Variants in MBNL3 observed in about 807,000 individuals in gnomAD.
MBNL3 encodes the protein muscleblind-like protein 3.
In MBNL3, 6 loss-of-function variants were observed where a neutral mutation model predicts 24.5. That is an observed-to-expected ratio of 0.25 (90% CI 0.13 to 0.48). The LOEUF (loss-of-function observed/expected upper bound fraction) is 0.48. Ranked by LOEUF, MBNL3 falls within the 20% of genes least tolerant of loss-of-function variation. MBNL3 has a pLI of 0.99. For synonymous variants in MBNL3, 100 were observed against 101.7 expected, an observed-to-expected ratio of 0.98 and a Z score of 0.10; for missense variants, 230 against 293.5, an observed-to-expected ratio of 0.78 and a Z score of 1.58.
At chrX:132,447,845 G>A (rs1274278415) in intron 1 of MBNL3, among the ~76,000 whole-genome samples, 2 of 112,151 alleles carry the variant, frequency 1.8e-5, no homozygotes, top group African/African-American at 6.5e-5. Context: ...CAAAAGGAAT[G>A]CTTCCAGTTT....
chrX:132,427,365 T>G (rs894716442), intron 2 of MBNL3, among the ~76,000 whole-genome samples: 1 of 111,525 alleles, frequency 9.0e-6, no homozygotes, highest in Non-Finnish European at 1.9e-5. Context: ...TAGAACACTT[T>G]TTTTGGTTAG....
At chrX:132,449,464 CTTTTTTTTTTTTTTT>C (rs751006249) in intron 1 of MBNL3, among the ~76,000 whole-genome samples, 3 of 29,781 alleles carry the variant, frequency 1.0e-4, no homozygotes, top group Admixed American at 4.5e-4. Flanking sequence ...GCAACCCCTG[CTTTTTTTTTTTTTTT>C]TTTTTTTTGC....
intron 1 of MBNL3, among the ~76,000 whole-genome samples, chrX:132,467,530 C>G (rs1424647456): frequency 8.9e-6 from 1 of 112,005 alleles, no homozygotes; most frequent in Admixed American, 9.4e-5. Flanking sequence ...GCTGAGGAAA[C>G]TTTCTTGTGG....
intron 3 of MBNL3, among the ~76,000 whole-genome samples, chrX:132,398,084 G>C (rs747036581): frequency 9.0e-6 from 1 of 111,543 alleles, no homozygotes; most frequent in Non-Finnish European, 1.9e-5. Context: ...CCTAGACCTG[G>C]ATTTTCTGAT....
At chrX:132,388,834 A>G (rs895503245) in intron 5 of MBNL3, among the ~76,000 whole-genome samples, 1 of 111,334 alleles carries the variant, frequency 9.0e-6, no homozygotes, top group Admixed American at 9.5e-5. Flanking sequence ...AAGCATGTCC[A>G]CTATGAATCC....
intron 1 of MBNL3, among the ~76,000 whole-genome samples, chrX:132,449,330 T>C (rs779395457): frequency 3.6e-5 from 4 of 110,936 alleles, no homozygotes; most frequent in Non-Finnish European, 7.5e-5. Flanking sequence ...CTTTATTGGG[T>C]TTATATATAT....
At chrX:132,456,220 T>C (rs1010639665) in intron 1 of MBNL3, among the ~76,000 whole-genome samples, 1 of 112,302 alleles carries the variant, frequency 8.9e-6, no homozygotes, top group African/African-American at 3.2e-5. Context: ...TGTTATCCTC[T>C]GGTCTGGATA....
At chrX:132,383,681 G>C (rs1218449084) in intron 7 of MBNL3, among the ~76,000 whole-genome samples, 1 of 111,795 alleles carries the variant, frequency 8.9e-6, no homozygotes, top group Admixed American at 9.5e-5. Flanking sequence ...CCATTCCCAG[G>C]GTTCAGATCT....
At chrX:132,489,523 CG>C (rs892257789), upstream of MBNL3, among the ~76,000 whole-genome samples, 24 of 111,653 alleles carry the variant, frequency 2.1e-4, no homozygotes, top group Non-Finnish European at 4.2e-4. Flanking sequence ...GCCCTCCTCC[CG>C]GGCCAGTGCC....
intron 1 of MBNL3, among the ~76,000 whole-genome samples, chrX:132,452,420 C>T (rs62617185): frequency 0.17 from 18,415 of 111,067 alleles, 1,242 homozygotes; most frequent in East Asian, 0.43. Flanking sequence ...ATTTAATATA[C>T]GTGGGGTGAT....
chrX:132,447,991 T>G (rs1393248006), intron 1 of MBNL3, among the ~76,000 whole-genome samples: 1 of 112,400 alleles, frequency 8.9e-6, no homozygotes, highest in Non-Finnish European at 1.9e-5. Context: ...AGGCCTTTTC[T>G]GCATCTATTG....
At chrX:132,393,848 A>G (rs1405484106) in intron 3 of MBNL3, among the ~76,000 whole-genome samples, 2 of 111,315 alleles carry the variant, frequency 1.8e-5, no homozygotes, top group African/African-American at 6.5e-5. Context: ...AGTCACATTA[A>G]TAGAAACAAG....
intron 1 of MBNL3, among the ~76,000 whole-genome samples, chrX:132,460,874 C>A (rs1387711020): frequency 9.1e-6 from 1 of 110,473 alleles, no homozygotes; most frequent in Admixed American, 9.7e-5. Flanking sequence ...AATCTCCCAC[C>A]ATGAGTCCCC....
At chrX:132,445,238 G>T (rs1008095400) in intron 1 of MBNL3, among the ~76,000 whole-genome samples, 1 of 111,379 alleles carries the variant, frequency 9.0e-6, no homozygotes, top group Non-Finnish European at 1.9e-5. Context: ...TGACACACCT[G>T]CCATACACTG....
intron 2 of MBNL3, 150 bp downstream of exon 2, chrX:132,439,285 C>G (rs1011494168): frequency 2.9e-5 from 17 of 589,504 alleles, no homozygotes; most frequent in Non-Finnish European, 3.9e-5. Flanking sequence ...GACTTTAAGA[C>G]CTTCTATCTT....
At chrX:132,441,621 C>CT (rs1945391050) in intron 1 of MBNL3, among the ~76,000 whole-genome samples, 1 of 112,050 alleles carries the variant, frequency 8.9e-6, no homozygotes, top group Non-Finnish European at 1.9e-5. Context: ...TCTCATTAGT[C>CT]TAACTATAAT....
intron 1 of MBNL3, among the ~76,000 whole-genome samples, chrX:132,449,978 C>T (rs1223397556): frequency 1.1e-3 from 3 of 2,842 alleles, no homozygotes; most frequent in Non-Finnish European, 1.9e-3. Context: ...CTGAATATTG[C>T]CCCCCCCCCC....
At chrX:132,487,148 CTTTCTTTT>C (rs1159423829) in intron 1 of MBNL3, among the ~76,000 whole-genome samples, 5 of 111,075 alleles carry the variant, frequency 4.5e-5, no homozygotes, top group African/African-American at 1.6e-4. Context: ...ACTTTTCTTT[CTTTCTTTT>C]TTTCTTTTTT....
chrX:132,444,613 G>C (rs527993812), intron 1 of MBNL3, among the ~76,000 whole-genome samples: 1 of 111,370 alleles, frequency 9.0e-6, no homozygotes, highest in South Asian at 3.8e-4. Flanking sequence ...ATTTCTCTCT[G>C]ATCCACAGGA....
Sources: gnomAD v4.1 joint callset for allele counts (sites outside exome capture counted in the v4.1 genomes callset) on GRCh38, gnomAD v4.1.1 for gene constraint, MANE v1.5 for transcripts, NCBI Gene and HGNC (gene_info 2026-07-23, HGNC 2026-07-21) for gene names.